UST: variants seen among roughly 807,000 people sequenced by gnomAD.
The protein encoded by UST is chondroitin sulfate 2-O-sulfotransferase.
Under a neutral mutation model 45.6 loss-of-function variants are expected in UST, and 21 were observed. That is an observed-to-expected ratio of 0.46 (90% CI 0.33 to 0.66). The LOEUF is 0.66. Among genes scored for constraint, UST ranks in the 30% least tolerant of loss-of-function variants. The pLI is 0.02. For missense variants in UST, 463 were observed against 512.4 expected, an observed-to-expected ratio of 0.90 and a Z score of 0.93; for synonymous variants, 215 against 200.6, an observed-to-expected ratio of 1.07 and a Z score of -0.61.
intron 7 of UST, among the ~76,000 whole-genome samples, chr6:149,048,677 C>G (rs1776429526): frequency 1.3e-5 from 2 of 152,090 alleles, no homozygotes; most frequent in Non-Finnish European, 2.9e-5. Flanking sequence ...AAACATGAAG[C>G]ATTTTTTACA....
At chr6:148,764,801 A>G (rs1776289813) in intron 1 of UST, among the ~76,000 whole-genome samples, 1 of 152,188 alleles carries the variant, frequency 6.6e-6, no homozygotes, top group African/African-American at 2.4e-5. Context: ...ATCACTAATG[A>G]ACTTCCATGT....
chr6:148,998,407 A>G (rs985724746), intron 5 of UST, among the ~76,000 whole-genome samples: 2 of 152,222 alleles, frequency 1.3e-5, no homozygotes, highest in Admixed American at 6.5e-5. Flanking sequence ...TCATAATTCA[A>G]CTTTTCACCA....
At chr6:149,033,238 G>A (rs1354500094) in intron 7 of UST, among the ~76,000 whole-genome samples, 1 of 152,202 alleles carries the variant, frequency 6.6e-6, no homozygotes, top group African/African-American at 2.4e-5. Flanking sequence ...TGGGCCCTTG[G>A]CTCGTGGCCT....
chr6:148,918,260 T>TACCATTTCCA (rs1196595582), intron 2 of UST, among the ~76,000 whole-genome samples: 1 of 152,252 alleles, frequency 6.6e-6, no homozygotes, highest in African/African-American at 2.4e-5. Context: ...AGTTTTAAGA[T>TACCATTTCCA]ACCATTTCCA....
intron 4 of UST, among the ~76,000 whole-genome samples, chr6:148,955,273 T>C (rs1232146977): frequency 6.6e-6 from 1 of 152,226 alleles, no homozygotes; most frequent in Non-Finnish European, 1.5e-5. Flanking sequence ...CCAGGGTGCC[T>C]GACAACCCAC....
At chr6:148,993,322 C>T in intron 5 of UST, among the ~76,000 whole-genome samples, 1 of 151,818 alleles carries the variant, frequency 6.6e-6, no homozygotes, top group South Asian at 2.1e-4. Flanking sequence ...GCATAATAGT[C>T]TAGTACCGTT....
chr6:148,806,630 C>G (rs1777153793), intron 1 of UST, among the ~76,000 whole-genome samples: 1 of 152,186 alleles, frequency 6.6e-6, no homozygotes, highest in South Asian at 2.1e-4. Context: ...TGAGCCATCG[C>G]ACCCGGCCCC....
Position 148,878,459 on chromosome 6 carries a change from G to A in UST, c.248-8527G>A, listed in dbSNP as rs544544606. Among the ~76,000 whole-genome samples, 6 of 129,490 alleles carry A rather than the reference G, an allele frequency of 4.6e-5. No individual in the cohort carries two copies. The East Asian group carries it at 1.3e-3, about 28-fold the overall frequency. The allele number at this position is 129,490 out of a possible 152,430, so 85.0% of individuals were successfully genotyped here. On this transcript the variant is annotated intron_variant, in intron 1 of 7. Coordinates refer to ENST00000367463, the MANE Select transcript of UST (RefSeq NM_005715.3). Reference sequence around the variant, plus strand: ...GTGGGGGATCGTGTATGAGTGGGGTGTCGTGTATGAGTGTGGGTATCGTGT... The same window carrying A: ...GTGGGGGATCGTGTATGAGTGGGGTATCGTGTATGAGTGTGGGTATCGTGT...
chr6:148,930,437 A>AG (rs1779899500), intron 2 of UST, among the ~76,000 whole-genome samples: 10 of 152,346 alleles, frequency 6.6e-5, no homozygotes, highest in African/African-American at 2.4e-4. Context: ...TAATTACAGC[A>AG]GTCAACCAAT....
chr6:148,885,289 T>C (rs565545224), intron 1 of UST, among the ~76,000 whole-genome samples: 1 of 152,236 alleles, frequency 6.6e-6, no homozygotes, highest in East Asian at 1.9e-4. Flanking sequence ...GAAGGCATAT[T>C]CCCATGCTGA....
intron 5 of UST, among the ~76,000 whole-genome samples, chr6:148,995,094 G>A (rs959657035): frequency 6.6e-6 from 1 of 151,946 alleles, no homozygotes; most frequent in African/African-American, 2.4e-5. Context: ...GGGCGATCTC[G>A]GCTCACTGCA....
At chr6:148,905,489 C>T (rs1779338443) in intron 2 of UST, among the ~76,000 whole-genome samples, 1 of 152,236 alleles carries the variant, frequency 6.6e-6, no homozygotes, top group Admixed American at 6.5e-5. Flanking sequence ...ACCAGCTGGA[C>T]CTTCCCCTCT....
At chr6:148,927,442 G>A (rs1307282727) in intron 2 of UST, among the ~76,000 whole-genome samples, 1 of 152,138 alleles carries the variant, frequency 6.6e-6, no homozygotes, top group Non-Finnish European at 1.5e-5. Flanking sequence ...CATTTTCCAT[G>A]AGAAGAAAAA....
At chr6:149,047,544 A>T (rs115014871) in intron 7 of UST, among the ~76,000 whole-genome samples, 5,025 of 152,192 alleles carry the variant, frequency 0.033, 290 homozygotes, top group African/African-American at 0.11. Context: ...GTGTTCTCCC[A>T]CCCCTTGGCC....
chr6:149,068,748 T>A (rs868537544), intron 7 of UST, among the ~76,000 whole-genome samples: 16 of 152,218 alleles, frequency 1.1e-4, no homozygotes, highest in Admixed American at 1.3e-4. Context: ...TTAGGAACAT[T>A]TGAATTTTTT....
At chr6:148,879,999 G>C (rs1015118238) in intron 1 of UST, among the ~76,000 whole-genome samples, 8 of 145,698 alleles carry the variant, frequency 5.5e-5, no homozygotes, top group African/African-American at 2.1e-4. Flanking sequence ...CCAGGCTGGA[G>C]GCTGGTGTGC....
At chr6:148,789,451 TCTC>T (rs1393489536) in intron 1 of UST, among the ~76,000 whole-genome samples, 29 of 133,000 alleles carry the variant, frequency 2.2e-4, no homozygotes, top group African/African-American at 8.1e-4. Flanking sequence ...TCTCTCTCTC[TCTC>T]ACACACACAC....
At chr6:148,948,176 A>T (rs577707652) in intron 3 of UST, among the ~76,000 whole-genome samples, 3 of 152,344 alleles carry the variant, frequency 2.0e-5, no homozygotes, top group Non-Finnish European at 2.9e-5. Flanking sequence ...GGGAAGGGTC[A>T]CCGGAGCCTC....
intron 1 of UST, among the ~76,000 whole-genome samples, chr6:148,819,038 TTAA>T: frequency 6.6e-6 from 1 of 152,224 alleles, no homozygotes; most frequent in East Asian, 1.9e-4. Context: ...AAATGAAGGG[TTAA>T]TACTCATTGA....
Sources: allele counts gnomAD v4.1 joint callset (sites outside exome capture counted in the v4.1 genomes callset), GRCh38; gene constraint gnomAD v4.1.1; transcripts MANE v1.5; gene names NCBI Gene and HGNC (gene_info 2026-07-23, HGNC 2026-07-21).